STXBP5L: variants seen among roughly 807,000 people sequenced by gnomAD.
STXBP5L encodes the protein syntaxin-binding protein 5-like.
A neutral mutation model predicts 144.5 loss-of-function variants in STXBP5L; 65 were observed. That is an observed-to-expected ratio of 0.45 (90% confidence interval 0.37 to 0.55). The LOEUF (loss-of-function observed/expected upper bound fraction) is 0.55. Among genes scored for constraint, STXBP5L ranks in the 20% least tolerant of loss-of-function variants. The pLI is 0.00. For missense variants in STXBP5L, 1,298 were observed against 1,405.5 expected, an observed-to-expected ratio of 0.92 and a Z score of 1.22; for synonymous variants, 505 against 469.6, an observed-to-expected ratio of 1.08 and a Z score of -0.97.
intron 3 of STXBP5L, among the ~76,000 whole-genome samples, chr3:120,997,933 C>G (rs987903212): frequency 5.9e-5 from 9 of 152,240 alleles, no homozygotes; most frequent in African/African-American, 2.2e-4. Context: ...TCAACATATG[C>G]AAATCAATAA....
chr3:121,080,393 T>A (rs1372623601), intron 5 of STXBP5L, among the ~76,000 whole-genome samples: 3 of 152,188 alleles, frequency 2.0e-5, no homozygotes, highest in Admixed American at 6.5e-5. Flanking sequence ...TTGTTTTTTT[T>A]TAAATTGTGT....
At position 121,297,202 on chromosome 3, in the gene STXBP5L, A is replaced by ATGTGTGTGTGTGTGTGTGTG. The variant is rs71133526; in HGVS notation, c.2110+17265_2110+17284dup. ...CAGAATCTGAATGATTCTACATTAT[A>ATGTGTGTGTGTGTGTGTGTG]TGTGTGTGTGTGTGTGTGTGTGTGT... On this transcript the variant is annotated intron_variant, in intron 19 of 26. Transcript: ENST00000471454. 3.7e-3 allele frequency among the ~76,000 whole-genome samples: 554 copies of ATGTGTGTGTGTGTGTGTGTG among 148,310 alleles called. 2 individuals carry two copies. The highest frequency in any genetic ancestry group is 6.9e-3 in the Middle Eastern group (2 of 288).
At chr3:121,181,403 C>A (rs2047146820) in intron 9 of STXBP5L, among the ~76,000 whole-genome samples, 1 of 113,980 alleles carries the variant, frequency 8.8e-6, no homozygotes, top group Non-Finnish European at 2.0e-5. Context: ...GGCCTAAGGG[C>A]CCCACTTAAA....
At chr3:121,215,849 T>C (rs563232036) in intron 10 of STXBP5L, among the ~76,000 whole-genome samples, 26 of 152,180 alleles carry the variant, frequency 1.7e-4, no homozygotes, top group Non-Finnish European at 2.9e-4. Flanking sequence ...CAATCAAACA[T>C]AGGTTTGGTC....
In STXBP5L at chr3:121,246,174, T is replaced by C. The variant is rs1011948175; in HGVS notation, c.1401-4549T>C. 2.2e-4 allele frequency among the ~76,000 whole-genome samples: 33 copies of C among 152,320 alleles called. 1 individual carries two copies. The highest frequency in any genetic ancestry group is 5.3e-4 in the African/African-American group (22 of 41,574). On this transcript the variant is annotated intron_variant, in intron 14 of 26. Coordinates refer to ENST00000471454, the MANE Select transcript of STXBP5L (RefSeq NM_001308330.2). Reference sequence around the variant, plus strand: ...GCCTCCTGTTAGATCAGGGACAGCATTGGATTCTCATAGGAGTACGAACCC... The same window carrying C: ...GCCTCCTGTTAGATCAGGGACAGCACTGGATTCTCATAGGAGTACGAACCC...
At chr3:120,933,103 G>A (rs998104277) in intron 2 of STXBP5L, among the ~76,000 whole-genome samples, 2 of 150,730 alleles carry the variant, frequency 1.3e-5, no homozygotes, top group Non-Finnish European at 3.0e-5. Flanking sequence ...GTTAAATGAC[G>A]AGTTAATGGG....
intron 2 of STXBP5L, among the ~76,000 whole-genome samples, chr3:120,930,569 A>G (rs571932206): frequency 2.0e-5 from 3 of 152,150 alleles, no homozygotes; most frequent in African/African-American, 7.2e-5. Context: ...ATATGCTACT[A>G]ATTTTTCCCT....
In STXBP5L at chr3:121,422,714, C is replaced by A. The variant is rs962961388; in HGVS notation, c.*3617C>A. On this transcript the variant is annotated 3_prime_UTR_variant, in exon 27 of 27. Transcript: ENST00000471454. ...CTGAATGAGATGTTTTCCAGTGATT[C>A]AGTCACAAAGACAATTTTCTCAGAT... The A allele has an allele frequency of 3.3e-5, 5 of 152,140 alleles. No homozygotes were observed. The highest frequency in any genetic ancestry group is 1.5e-5 in the Non-Finnish European group (1 of 68,024). The allele number at this position is 152,140 out of a possible 1,614,324, so 9.4% of individuals were successfully genotyped here.
At chr3:121,268,262 C>G (rs1285396749) in intron 18 of STXBP5L, among the ~76,000 whole-genome samples, 1 of 152,104 alleles carries the variant, frequency 6.6e-6, no homozygotes, top group African/African-American at 2.4e-5. Context: ...TTTGCAGGGA[C>G]ATGGATGAAG....
At chr3:121,330,622 C>T (rs2044292944) in intron 20 of STXBP5L, among the ~76,000 whole-genome samples, 1 of 152,156 alleles carries the variant, frequency 6.6e-6, no homozygotes, top group Non-Finnish European at 1.5e-5. Flanking sequence ...TAGACAAGCA[C>T]AAATACCACC....
intron 9 of STXBP5L, among the ~76,000 whole-genome samples, chr3:121,180,116 A>G (rs2047085168): frequency 6.6e-6 from 1 of 152,218 alleles, no homozygotes; most frequent in African/African-American, 2.4e-5. Flanking sequence ...AAAAAAGATC[A>G]TCACCAAGGC....
At chr3:121,201,903 G>A (rs370401671) in intron 9 of STXBP5L, among the ~76,000 whole-genome samples, 18 of 152,162 alleles carry the variant, frequency 1.2e-4, no homozygotes, top group East Asian at 1.9e-4. Context: ...TTACCGGCAC[G>A]TGCCACCACA....
At chr3:121,366,239 T>C (rs2108649179) in intron 20 of STXBP5L, among the ~76,000 whole-genome samples, 1 of 152,090 alleles carries the variant, frequency 6.6e-6, no homozygotes, top group African/African-American at 2.4e-5. Flanking sequence ...ATACTTTTGT[T>C]GATGTATAGA....
chr3:121,074,266 C>G (rs968537436), intron 5 of STXBP5L, among the ~76,000 whole-genome samples: 1 of 152,148 alleles, frequency 6.6e-6, no homozygotes, highest in Non-Finnish European at 1.5e-5. Flanking sequence ...GTAAACCAAG[C>G]AGCATCCACA....
chr3:121,060,924 C>T (rs1042957820), intron 5 of STXBP5L, among the ~76,000 whole-genome samples: 1 of 152,106 alleles, frequency 6.6e-6, no homozygotes, highest in Non-Finnish European at 1.5e-5. Context: ...AAAACCAGCT[C>T]CTGGATTTAT....
At chr3:121,178,686 C>G (rs1486260826) in intron 9 of STXBP5L, among the ~76,000 whole-genome samples, 1 of 152,122 alleles carries the variant, frequency 6.6e-6, no homozygotes, top group Non-Finnish European at 1.5e-5. Flanking sequence ...AGGCTTTAAC[C>G]TTACCTGGAG....
chr3:121,121,085 A>G (rs2044439578), intron 6 of STXBP5L, among the ~76,000 whole-genome samples: 1 of 151,338 alleles, frequency 6.6e-6, no homozygotes, highest in African/African-American at 2.4e-5. Flanking sequence ...ATAACCTGAT[A>G]AGTGTGGTAT....
At chr3:121,308,702 T>TA (rs1018089532) in intron 19 of STXBP5L, among the ~76,000 whole-genome samples, 16 of 152,138 alleles carry the variant, frequency 1.1e-4, no homozygotes, top group African/African-American at 2.9e-4. Context: ...ATAAAGAGAA[T>TA]AAAAAATGGT....
At chr3:121,296,802 G>A (rs2051670229) in intron 19 of STXBP5L, among the ~76,000 whole-genome samples, 1 of 152,096 alleles carries the variant, frequency 6.6e-6, no homozygotes, top group South Asian at 2.1e-4. Flanking sequence ...ACCCTAAATA[G>A]AAAAATAAAT....
Sources: gnomAD v4.1 joint callset for allele counts (sites outside exome capture counted in the v4.1 genomes callset) on GRCh38, gnomAD v4.1.1 for gene constraint, MANE v1.5 for transcripts, NCBI Gene and HGNC (gene_info 2026-07-23, HGNC 2026-07-21) for gene names.